Variants in TESK2 observed in about 807,000 individuals in gnomAD.
The protein encoded by TESK2 is testis associated actin remodelling kinase 2.
Under a neutral mutation model 57.1 loss-of-function variants are expected in TESK2, and 39 were observed. That is an observed-to-expected ratio of 0.68 (90% CI 0.53 to 0.89). The LOEUF is 0.89. Ranked by LOEUF, TESK2 falls within the 40% of genes least tolerant of loss-of-function variation. The probability of loss-of-function intolerance (pLI) is 0.00; values close to 1 mark genes in which losing one functional copy is unlikely to be tolerated. For synonymous variants in TESK2, 249 were observed against 267.9 expected (o/e 0.93, Z 0.69); for missense variants, 646 against 732.1 (o/e 0.88, Z 1.36).
intron 4 of TESK2, among the ~76,000 whole-genome samples, chr1:45,355,984 C>A (rs1647404890): frequency 6.6e-6 from 1 of 152,014 alleles, no homozygotes; most frequent in Non-Finnish European, 1.5e-5. Flanking sequence ...CTATAGGAAA[C>A]AAAAGAAGCA....
intron 1 of TESK2, among the ~76,000 whole-genome samples, chr1:45,485,794 T>C (rs1420469088): frequency 6.6e-6 from 1 of 152,068 alleles, no homozygotes; most frequent in African/African-American, 2.4e-5. Context: ...GTGCTGGGAT[T>C]ACAGGCATGA....
intron 3 of TESK2, among the ~76,000 whole-genome samples, chr1:45,421,428 T>C (rs927215237): frequency 2.0e-5 from 3 of 152,174 alleles, no homozygotes; most frequent in African/African-American, 7.2e-5. Context: ...CAATCTCTCC[T>C]CTTTGATAAA....
chr1:45,367,518 G>A (rs967326540), intron 4 of TESK2, among the ~76,000 whole-genome samples: 2 of 148,728 alleles, frequency 1.3e-5, no homozygotes, highest in African/African-American at 5.0e-5. Context: ...CTGGCTAATT[G>A]TTGTATTTTT....
chr1:45,457,520 T>C, intron 2 of TESK2, 44 bp downstream of exon 2: 1 of 1,570,964 alleles, frequency 6.4e-7, no homozygotes, highest in Non-Finnish European at 8.8e-7. Flanking sequence ...GCAGTAAATG[T>C]GACCACAGCA....
At chr1:45,462,433 C>T (rs959628032) in intron 1 of TESK2, among the ~76,000 whole-genome samples, 10 of 152,046 alleles carry the variant, frequency 6.6e-5, no homozygotes, top group Admixed American at 2.6e-4. Context: ...ACACCACACC[C>T]GGCTAATTTT....
intron 4 of TESK2, among the ~76,000 whole-genome samples, chr1:45,385,557 T>C (rs538417706): frequency 3.3e-5 from 5 of 152,172 alleles, no homozygotes; most frequent in African/African-American, 1.2e-4. Context: ...TGGAGTCATA[T>C]CTAGGCAGCA....
chr1:45,352,645 T>A (rs1647260541), intron 5 of TESK2, among the ~76,000 whole-genome samples: 1 of 152,218 alleles, frequency 6.6e-6, no homozygotes. Flanking sequence ...TTTTAGTTAT[T>A]TGCCAACAAA....
At chr1:45,383,935 C>T (rs1557551013) in intron 4 of TESK2, among the ~76,000 whole-genome samples, 1 of 151,972 alleles carries the variant, frequency 6.6e-6, no homozygotes, top group Non-Finnish European at 1.5e-5. Flanking sequence ...TGTTATACTT[C>T]AGTAAAAAGT....
intron 1 of TESK2, among the ~76,000 whole-genome samples, chr1:45,490,351 G>C (rs962652488): frequency 6.6e-6 from 1 of 152,216 alleles, no homozygotes; most frequent in African/African-American, 2.4e-5. Flanking sequence ...GAAAGGAAGG[G>C]AGACGATGAC....
intron 2 of TESK2, among the ~76,000 whole-genome samples, chr1:45,442,913 G>A (rs1651499577): frequency 6.6e-6 from 1 of 152,158 alleles, no homozygotes; most frequent in Non-Finnish European, 1.5e-5. Flanking sequence ...AGCCTCCCAA[G>A]TAGCTGGGAC....
intron 3 of TESK2, chr1:45,415,017 C>A (rs1650182567): frequency 1.0e-6 from 1 of 956,356 alleles, no homozygotes; most frequent in Middle Eastern, 2.2e-4. Flanking sequence ...CCCGTACTAT[C>A]AGCCATGGTC....
rs373918755 is a variant in TESK2 at position 45,346,795 on chromosome 1, G to A, written c.793-16C>T. ...GCCCGAAATTCTGTGGATGGGTATG[G>A]AAAGCATAGGTAGACAGTTCATTAA... On this transcript the variant is annotated splice_polypyrimidine_tract_variant and intron_variant, in intron 8 of 10. Transcript: ENST00000372086. 30 of 1,610,296 alleles carry A rather than the reference G, an allele frequency of 1.9e-5. No homozygotes were observed. Among genetic ancestry groups the A allele is most frequent in the Non-Finnish European group, 2.5e-5 (30 of 1,176,750 alleles).
chr1:45,443,985 C>T (rs944878480), intron 2 of TESK2, among the ~76,000 whole-genome samples: 4 of 152,014 alleles, frequency 2.6e-5, no homozygotes, highest in African/African-American at 9.7e-5. Context: ...TGACACCAGC[C>T]TAGGCAACAT....
intron 5 of TESK2, among the ~76,000 whole-genome samples, chr1:45,348,798 C>T (rs1401471083): frequency 6.6e-6 from 1 of 152,176 alleles, no homozygotes; most frequent in Non-Finnish European, 1.5e-5. Context: ...CTCTATGCCA[C>T]TCCTCTTACA....
intron 3 of TESK2, among the ~76,000 whole-genome samples, chr1:45,412,947 AAGGCAG>A (rs1364924709): frequency 6.6e-6 from 1 of 152,054 alleles, no homozygotes; most frequent in East Asian, 1.9e-4. Context: ...TTGAGCCCAG[AAGGCAG>A]AGATTGCAGT....
At chr1:45,432,317 G>A (rs1650999349) in intron 2 of TESK2, among the ~76,000 whole-genome samples, 1 of 151,926 alleles carries the variant, frequency 6.6e-6, no homozygotes, top group African/African-American at 2.4e-5. Flanking sequence ...TTACAGGTGT[G>A]AGCCACTACA....
intron 3 of TESK2, among the ~76,000 whole-genome samples, chr1:45,394,994 C>A (rs1649302851): frequency 6.6e-6 from 1 of 152,036 alleles, no homozygotes; most frequent in African/African-American, 2.4e-5. Context: ...CCGGCCCCAA[C>A]AGGAAACTCT....
intron 6 of TESK2, 53 bp from the exon 7 acceptor site, chr1:45,347,746 A>T: frequency 6.3e-7 from 1 of 1,584,494 alleles, no homozygotes; most frequent in South Asian, 1.1e-5. Context: ...GGTGCAATGG[A>T]ATCTTTTGAC....
At chr1:45,451,301 C>T (rs2149297530) in intron 2 of TESK2, among the ~76,000 whole-genome samples, 1 of 152,344 alleles carries the variant, frequency 6.6e-6, no homozygotes, top group South Asian at 2.1e-4. Context: ...GTGCCCTTTT[C>T]ATGCTGTGTT....
Sources: allele counts gnomAD v4.1 joint callset (sites outside exome capture counted in the v4.1 genomes callset), GRCh38; gene constraint gnomAD v4.1.1; transcripts MANE v1.5; gene names NCBI Gene and HGNC (gene_info 2026-07-23, HGNC 2026-07-21).